Variants in OR1D2 observed in about 807,000 individuals in gnomAD.
The protein encoded by OR1D2 is olfactory receptor 1D2.
For synonymous variants in OR1D2, 157 were observed against 153.9 expected (o/e 1.02, Z -0.15); for missense variants, 357 against 376.1 (o/e 0.95, Z 0.42).
At position 3,089,444 on chromosome 17, in the gene OR1D2, T is replaced by C. The variant is rs1004012914; in HGVS notation, c.*2614A>G. ...TTATCTAGGAGTCTATGGTCCTTGG[T>C]TGAAGTTTTGTTTAGTGTACTAGTT... is the stretch of plus-strand genomic sequence containing the variant. On this transcript the variant is annotated 3_prime_UTR_variant, in exon 2 of 2. Coordinates refer to ENST00000641833, the MANE Select transcript of OR1D2 (RefSeq NM_002548.3). 4.6e-5 allele frequency: 7 copies of C among 152,148 alleles called. No individual in the cohort carries two copies. Among genetic ancestry groups the C allele is most frequent in the Non-Finnish European group, 1.0e-4 (7 of 68,060 alleles). The allele number at this position is 152,148 out of a possible 1,614,324, so 9.4% of individuals were successfully genotyped here. A position where few individuals can be genotyped will look rare whatever the true frequency, so the allele number is the denominator to read the frequency against.
chr17:3,103,296 A>G (rs529549265), intron 1 of OR1D2, among the ~76,000 whole-genome samples: 4 of 151,774 alleles, frequency 2.6e-5, no homozygotes, highest in Admixed American at 2.6e-4. Flanking sequence ...GTTGGAGTGC[A>G]GTGGCACGAT....
chr17:3,096,823 C>A (rs1182723858), intron 1 of OR1D2, among the ~76,000 whole-genome samples: 2 of 152,036 alleles, frequency 1.3e-5, no homozygotes, highest in Admixed American at 6.5e-5. Flanking sequence ...GAAAGATCAA[C>A]AAGGAAAAAA....
chr17:3,098,153 C>T (rs1431353803), intron 1 of OR1D2, among the ~76,000 whole-genome samples: 1 of 152,186 alleles, frequency 6.6e-6, no homozygotes, highest in Non-Finnish European at 1.5e-5. Context: ...GAAGCGCACA[C>T]CCCCTTCACC....
chr17:3,094,137 T>C (rs2047830778), intron 1 of OR1D2, among the ~76,000 whole-genome samples: 1 of 152,184 alleles, frequency 6.6e-6, no homozygotes, highest in Non-Finnish European at 1.5e-5. Context: ...TTAATTTGGG[T>C]GCACTGTATA....
At chr17:3,097,460 AC>A (rs1218578387) in intron 1 of OR1D2, among the ~76,000 whole-genome samples, 1 of 152,100 alleles carries the variant, frequency 6.6e-6, no homozygotes, top group East Asian at 1.9e-4. Context: ...ACGAGTCCCC[AC>A]CCCCAAGCCA....
Position 3,091,888 on chromosome 17 carries a change from C to A in OR1D2, c.*170G>T. ...TATTTACGGCCAAGGCTGATGAGAC[C>A]TGGGGGACACCAGGTTACAAATATG... On this transcript the variant is annotated 3_prime_UTR_variant, in exon 2 of 2. Transcript: ENST00000641833. The A allele has an allele frequency of 1.7e-6, 1 of 587,358 alleles. No homozygotes were observed. The highest frequency in any genetic ancestry group is 3.0e-6 in the Non-Finnish European group (1 of 328,418). 36.4% of individuals were successfully genotyped at this position (587,358 alleles called of 1,614,324 possible). A position where few individuals can be genotyped will look rare whatever the true frequency, so the allele number is the denominator to read the frequency against.
intron 1 of OR1D2, among the ~76,000 whole-genome samples, chr17:3,096,535 G>C (rs535045324): frequency 6.6e-6 from 1 of 152,326 alleles, no homozygotes; most frequent in Admixed American, 6.5e-5. Flanking sequence ...GGCTGAGGTA[G>C]GAGAATGGCT....
chr17:3,092,710 C>A lies in OR1D2; in HGVS notation c.287G>T (p.Gly96Val), dbSNP rs778493829. ...CAGGAAGTAGAGCTGTGTCAGACAC[C>A]CTGCATAGGAGATGGCTTTGTTATG... ...QSHNKAISYA[G>V]CLTQLYFLVS... Residue 96 changes from glycine (G) to valine (V), a missense_variant, in exon 2 of 2, where the codon GGG becomes GTG. Transcript: ENST00000641833. 2 of 1,613,980 alleles carry A rather than the reference C, an allele frequency of 1.2e-6. No homozygotes were observed. Among genetic ancestry groups the A allele is most frequent in the East Asian group, 2.2e-5 (1 of 44,886 alleles).
At chr17:3,101,890 C>G (rs2047876444) in intron 1 of OR1D2, among the ~76,000 whole-genome samples, 1 of 152,026 alleles carries the variant, frequency 6.6e-6, no homozygotes, top group South Asian at 2.1e-4. Context: ...AGCAGAGAGC[C>G]AAATCATGAA....
At chr17:3,099,611 G>T (rs1455739915) in intron 1 of OR1D2, among the ~76,000 whole-genome samples, 2 of 152,098 alleles carry the variant, frequency 1.3e-5, no homozygotes, top group African/African-American at 4.8e-5. Context: ...TGAAGAAACT[G>T]CATCAACCAG....
intron 1 of OR1D2, among the ~76,000 whole-genome samples, chr17:3,099,027 C>T (rs554992040): frequency 2.0e-5 from 3 of 152,062 alleles, no homozygotes; most frequent in Non-Finnish European, 2.9e-5. Context: ...ATATGGACTA[C>T]GTAAAAAGAC....
intron 1 of OR1D2, among the ~76,000 whole-genome samples, chr17:3,099,343 C>A (rs1355322397): frequency 6.6e-6 from 1 of 152,124 alleles, no homozygotes; most frequent in Non-Finnish European, 1.5e-5. Flanking sequence ...AGAAACCCTA[C>A]AAGATAGAAG....
In OR1D2 at chr17:3,104,224, T is replaced by C. The variant is rs1376523312; in HGVS notation, c.-176A>G. 6.6e-6 allele frequency: 1 copy of C among 152,208 alleles called. No homozygotes were observed. Among genetic ancestry groups the C allele is most frequent in the East Asian group, 1.9e-4 (1 of 5,186 alleles). 9.4% of individuals were successfully genotyped at this position (152,208 alleles called of 1,614,324 possible). A position where few individuals can be genotyped will look rare whatever the true frequency, so the allele number is the denominator to read the frequency against. On this transcript the variant is annotated 5_prime_UTR_variant, in exon 1 of 2. Transcript: ENST00000641833. Reference sequence around the variant, plus strand: ...AATGCATTATTTTCTGAATAGGTCTTGGAGACTCATCCTATTGGCTAAAGG... The same window carrying C: ...AATGCATTATTTTCTGAATAGGTCTCGGAGACTCATCCTATTGGCTAAAGG...
chr17:3,095,898 G>A (rs7218988), intron 1 of OR1D2, among the ~76,000 whole-genome samples: 95,398 of 151,818 alleles, frequency 0.63, 32,497 homozygotes, highest in African/African-American at 0.88. Flanking sequence ...AATTATAACA[G>A]TGGATTATCA....
chr17:3,102,709 G>C (rs1056571461), intron 1 of OR1D2, among the ~76,000 whole-genome samples: 1 of 152,102 alleles, frequency 6.6e-6, no homozygotes, highest in African/African-American at 2.4e-5. Context: ...CACCTCCCCC[G>C]GGGTCAGGAG....
chr17:3,103,847 C>A (rs1403191862), intron 1 of OR1D2, among the ~76,000 whole-genome samples: 2 of 152,112 alleles, frequency 1.3e-5, no homozygotes, highest in Non-Finnish European at 2.9e-5. Flanking sequence ...CCCCTCTTCT[C>A]ACCTAGGTAG....
intron 1 of OR1D2, among the ~76,000 whole-genome samples, chr17:3,095,765 T>G (rs879193982): frequency 1.3e-5 from 2 of 152,092 alleles, no homozygotes; most frequent in African/African-American, 4.8e-5. Flanking sequence ...AATATGTATA[T>G]GATGTATCGT....
rs1187877995 is a variant in OR1D2 at position 3,088,988 on chromosome 17, A to G, written c.*3070T>C. ...CTGAATTCTTTTTCTGGCAATTCAG[A>G]GATTTCTTCTTGGTTTGGATCCATT... On this transcript the variant is annotated 3_prime_UTR_variant, in exon 2 of 2. Coordinates refer to ENST00000641833, the MANE Select transcript of OR1D2 (RefSeq NM_002548.3). 6.6e-6 allele frequency: 1 copy of G among 151,522 alleles called. No homozygotes were observed. Among genetic ancestry groups the G allele is most frequent in the African/African-American group, 2.4e-5 (1 of 41,168 alleles). 9.4% of individuals were successfully genotyped at this position (151,522 alleles called of 1,614,324 possible).
At chr17:3,102,335 C>T (rs553968904) in intron 1 of OR1D2, among the ~76,000 whole-genome samples, 19 of 152,146 alleles carry the variant, frequency 1.2e-4, no homozygotes, top group Non-Finnish European at 1.9e-4. Flanking sequence ...AAGTTAAACT[C>T]CTAGATGTCC....
Sources: allele counts gnomAD v4.1 joint callset (sites outside exome capture counted in the v4.1 genomes callset), GRCh38; gene constraint gnomAD v4.1.1; transcripts MANE v1.5; gene names NCBI Gene and HGNC (gene_info 2026-07-23, HGNC 2026-07-21).